Variants in SESN3 observed in about 807,000 individuals in gnomAD.
SESN3 encodes the protein sestrin 3, also known as sestrin-3.
Under a neutral mutation model 55.3 loss-of-function variants are expected in SESN3, and 21 were observed. The observed-to-expected ratio is 0.38, with a 90% CI of 0.27 to 0.55. The LOEUF (loss-of-function observed/expected upper bound fraction) is 0.55. SESN3 is among the 20% of genes least tolerant of loss of function. The probability of loss-of-function intolerance (pLI) is 0.76; values close to 1 mark genes in which losing one functional copy is unlikely to be tolerated. For synonymous variants in SESN3, 181 were observed against 203.1 expected, an observed-to-expected ratio of 0.89 and a Z score of 0.93; for missense variants, 408 against 604.3, an observed-to-expected ratio of 0.68 and a Z score of 3.41.
intron 1 of SESN3, among the ~76,000 whole-genome samples, chr11:95,193,871 A>G (rs1303657543): frequency 6.6e-6 from 1 of 152,166 alleles, no homozygotes; most frequent in African/African-American, 2.4e-5. Context: ...TTAGACATCA[A>G]TTTGAAAACT....
intron 1 of SESN3, among the ~76,000 whole-genome samples, chr11:95,203,065 G>A (rs1170510074): frequency 6.6e-6 from 1 of 152,084 alleles, no homozygotes; most frequent in Non-Finnish European, 1.5e-5. Context: ...AAAATATGCT[G>A]TGAATGTAGT....
At chr11:95,211,329 C>G (rs1177901990) in intron 1 of SESN3, among the ~76,000 whole-genome samples, 2 of 152,232 alleles carry the variant, frequency 1.3e-5, no homozygotes, top group Admixed American at 1.3e-4. Flanking sequence ...TTGATCTCAT[C>G]TGTCCAGTGT....
intron 1 of SESN3, among the ~76,000 whole-genome samples, chr11:95,224,282 TATC>T (rs1860910661): frequency 6.6e-6 from 1 of 152,240 alleles, no homozygotes; most frequent in African/African-American, 2.4e-5. Context: ...CAACAGTTTA[TATC>T]ATATTAAAAT....
In SESN3 at chr11:95,172,079, T is replaced by C. The variant is rs1309695315; in HGVS notation, c.*1176A>G. 2 of 152,158 alleles carry C rather than the reference T, an allele frequency of 1.3e-5. No homozygotes were observed. The highest frequency in any genetic ancestry group is 4.8e-5 in the African/African-American group (2 of 41,436). The allele number at this position is 152,158 out of a possible 1,614,324, so 9.4% of individuals were successfully genotyped here. Reference sequence around the variant, plus strand: ...AATAAAGAAATTTGAAAAAAATTTCTTTATGGCTCTGTTTAAAAGGACACT... The same window carrying C: ...AATAAAGAAATTTGAAAAAAATTTCCTTATGGCTCTGTTTAAAAGGACACT... On this transcript the variant is annotated 3_prime_UTR_variant, in exon 10 of 10. Transcript: ENST00000536441.
chr11:95,179,509 C>T (rs1045624332), intron 6 of SESN3, among the ~76,000 whole-genome samples: 2 of 152,052 alleles, frequency 1.3e-5, no homozygotes, highest in Non-Finnish European at 2.9e-5. Flanking sequence ...TGAAAGACCA[C>T]TCTGAGGTCA....
chr11:95,212,844 A>G (rs1302879499), intron 1 of SESN3, among the ~76,000 whole-genome samples: 1 of 152,156 alleles, frequency 6.6e-6, no homozygotes, highest in African/African-American at 2.4e-5. Flanking sequence ...GCTACTTTGG[A>G]TATCTATTAA....
intron 9 of SESN3, among the ~76,000 whole-genome samples, 179 bp downstream of exon 9, chr11:95,175,319 G>A (rs891076808): frequency 6.6e-6 from 1 of 152,132 alleles, no homozygotes; most frequent in African/African-American, 2.4e-5. Context: ...AGCTGAGATC[G>A]TGCCACTGCA....
At chr11:95,208,429 T>C (rs1367255778) in intron 1 of SESN3, among the ~76,000 whole-genome samples, 1 of 151,476 alleles carries the variant, frequency 6.6e-6, no homozygotes, top group African/African-American at 2.4e-5. Flanking sequence ...AAAAATACAT[T>C]TTTTTCTAAA....
rs1252519742 is a variant in SESN3, at chr11:95,177,883, G to A, written c.1083C>T (p.Phe361=). The change falls in exon 8 of 10, where the codon TTC becomes TTT. Residue 361 remains phenylalanine, a synonymous_variant. Coordinates refer to ENST00000536441, the MANE Select transcript of SESN3 (RefSeq NM_144665.4). ...CAGAATAAAGTCTGTTCACCAGGGA[G>A]AACCCATGATTTTCCCAGGTATAGT... is the stretch of plus-strand genomic sequence containing the variant. ...AQDYTWENHG[F]SLVNRLYSDI... 6.9e-6 allele frequency: 11 copies of A among 1,592,608 alleles called. No homozygotes were observed. The highest frequency in any genetic ancestry group is 9.4e-6 in the Non-Finnish European group (11 of 1,172,530).
rs1487575182 is a variant in SESN3, at chr11:95,171,052, C to T, written c.*2203G>A. 6.6e-6 allele frequency: 1 copy of T among 152,108 alleles called. No individual in the cohort carries two copies. The highest frequency in any genetic ancestry group is 2.4e-5 in the African/African-American group (1 of 41,436). The allele number at this position is 152,108 out of a possible 1,614,324, so 9.4% of individuals were successfully genotyped here. ...TGAGAATTTCTCCTCCTTTTCAATACATACAAATCATTTTTTATCCTGTTA... is the reference window on the plus strand; with the variant it reads ...TGAGAATTTCTCCTCCTTTTCAATATATACAAATCATTTTTTATCCTGTTA... On this transcript the variant is annotated 3_prime_UTR_variant, in exon 10 of 10. Transcript: ENST00000536441.
chr11:95,221,188 C>T (rs1215451083), intron 1 of SESN3, among the ~76,000 whole-genome samples: 1 of 151,920 alleles, frequency 6.6e-6, no homozygotes, highest in Non-Finnish European at 1.5e-5. Flanking sequence ...CTTGTAATCC[C>T]AGCTACTTAG....
intron 4 of SESN3, among the ~76,000 whole-genome samples, chr11:95,188,172 T>G (rs1591054217): frequency 6.6e-6 from 1 of 151,954 alleles, no homozygotes; most frequent in East Asian, 1.9e-4. Flanking sequence ...TCTATCATAT[T>G]GATCTCCAAG....
Position 95,191,538 on chromosome 11 carries a change from C to A in SESN3, c.208G>T (p.Gly70Cys). Reference sequence around the variant, plus strand: ...ACCTGTGTGATGTTGTCCAGACGACCGGATGTAGAGTATTCTTCCACAAGA... The same window carrying A: ...ACCTGTGTGATGTTGTCCAGACGACAGGATGTAGAGTATTCTTCCACAAGA... Reference protein sequence around the residue: ...NFLVEEYSTSGRLDNITQVMS... With the variant: ...NFLVEEYSTSCRLDNITQVMS... Residue 70 changes from glycine to cysteine, a missense_variant, in exon 3 of 10, where the codon GGT becomes TGT. Physicochemically the swap from Gly to Cys is radical, Grantham distance 159. Around this residue, in one of 4 missense-constraint regions of SESN3, gnomAD observed 107 missense variants for 211.3 expected, o/e 0.51. Coordinates refer to ENST00000536441, the MANE Select transcript of SESN3 (RefSeq NM_144665.4). 1 of 1,612,846 alleles carries A rather than the reference C, an allele frequency of 6.2e-7. No individual in the cohort carries two copies. Among genetic ancestry groups the A allele is most frequent in the Non-Finnish European group, 8.5e-7 (1 of 1,179,238 alleles).
chr11:95,212,575 A>G (rs2134257108), intron 1 of SESN3, among the ~76,000 whole-genome samples: 1 of 152,298 alleles, frequency 6.6e-6, no homozygotes, highest in East Asian at 1.9e-4. Context: ...TATCTACCAT[A>G]TGGTATAAAA....
rs1395150119 is a variant in SESN3 at position 95,172,663 on chromosome 11, A to T, written c.*592T>A. The T allele has an allele frequency of 6.6e-6, 1 of 152,218 alleles. No individual in the cohort carries two copies. Among genetic ancestry groups the T allele is most frequent in the African/African-American group, 2.4e-5 (1 of 41,458 alleles). The allele number at this position is 152,218 out of a possible 1,614,324, so 9.4% of individuals were successfully genotyped here. Reference sequence around the variant, plus strand: ...TGTTATCGCCAATAGCAGTAAAACAACAATAAATGAACAAACAAACAAATA... The same window carrying T: ...TGTTATCGCCAATAGCAGTAAAACATCAATAAATGAACAAACAAACAAATA... On this transcript the variant is annotated 3_prime_UTR_variant, in exon 10 of 10. Transcript: ENST00000536441.
At chr11:95,188,935 G>A (rs945903546) in intron 4 of SESN3, among the ~76,000 whole-genome samples, 1 of 151,814 alleles carries the variant, frequency 6.6e-6, no homozygotes, top group Admixed American at 6.6e-5. Context: ...TCTTAAGACA[G>A]CATCATGCTT....
In SESN3 at chr11:95,168,611, G is replaced by C. The variant is rs1384364934; in HGVS notation, c.*4644C>G. ...CAGGGAAAAGGGTAGAACAGAATAGGGTGACACAATTTACACTTGATACTG... is the reference window on the plus strand; with the variant it reads ...CAGGGAAAAGGGTAGAACAGAATAGCGTGACACAATTTACACTTGATACTG... On this transcript the variant is annotated 3_prime_UTR_variant, in exon 10 of 10. Coordinates refer to ENST00000536441, the MANE Select transcript of SESN3 (RefSeq NM_144665.4). 2 of 152,136 alleles carry C rather than the reference G, an allele frequency of 1.3e-5. No individual in the cohort carries two copies. The highest frequency in any genetic ancestry group is 2.9e-5 in the Non-Finnish European group (2 of 68,032). 9.4% of individuals were successfully genotyped at this position (152,136 alleles called of 1,614,324 possible). A position where few individuals can be genotyped will look rare whatever the true frequency, so the allele number is the denominator to read the frequency against.
In SESN3 at chr11:95,170,807, T is replaced by C. The variant is rs892706037; in HGVS notation, c.*2448A>G. 2.0e-5 allele frequency: 3 copies of C among 152,202 alleles called. No individual in the cohort carries two copies. The highest frequency in any genetic ancestry group is 4.8e-5 in the African/African-American group (2 of 41,458). The allele number at this position is 152,202 out of a possible 1,614,324, so 9.4% of individuals were successfully genotyped here. Reference sequence around the variant, plus strand: ...AAATATATGGTGTTGTTTTTGTTTATAGTTCCAAGTCAACTTATTTTCCTA... The same window carrying C: ...AAATATATGGTGTTGTTTTTGTTTACAGTTCCAAGTCAACTTATTTTCCTA... On this transcript the variant is annotated 3_prime_UTR_variant, in exon 10 of 10. Transcript: ENST00000536441.
intron 1 of SESN3, among the ~76,000 whole-genome samples, chr11:95,206,943 AT>A (rs548041652): frequency 8.0e-5 from 12 of 150,250 alleles, no homozygotes; most frequent in East Asian, 3.9e-4. Context: ...CTACAGAGGC[AT>A]TTTTTTTTGT....
Sources: gnomAD v4.1 joint callset for allele counts (sites outside exome capture counted in the v4.1 genomes callset) on GRCh38, gnomAD v4.1.1 for gene constraint, gnomAD v4.1.1 regional missense constraint, MANE v1.5 for transcripts, NCBI Gene and HGNC (gene_info 2026-07-23, HGNC 2026-07-21) for gene names.